Variants in KCNIP4 observed in about 807,000 individuals in gnomAD.
KCNIP4 encodes Kv channel-interacting protein 4.
In KCNIP4, 12 loss-of-function variants were observed where a neutral mutation model predicts 34.0. That is an observed-to-expected ratio of 0.35 (90% CI 0.23 to 0.57). The LOEUF is 0.57. KCNIP4 is among the 20% of genes least tolerant of loss of function. The probability of loss-of-function intolerance (pLI) is 0.83; values close to 1 mark genes in which losing one functional copy is unlikely to be tolerated. For synonymous variants in KCNIP4, 124 were observed against 102.2 expected, an observed-to-expected ratio of 1.21 and a Z score of -1.29; for missense variants, 238 against 311.7, an observed-to-expected ratio of 0.76 and a Z score of 1.78.
chr4:21,948,731 G>T lies in KCNIP4; in HGVS notation c.-100C>A. On this transcript the variant is annotated 5_prime_UTR_variant, in exon 1 of 9. Coordinates refer to ENST00000382152, the MANE Select transcript of KCNIP4 (RefSeq NM_025221.6). ...GGAGCGCACCGCCGCTCGGCCCGGGGGCGTCCGTGGCGCTGGGAGCGAGAG... is the reference window on the plus strand; with the variant it reads ...GGAGCGCACCGCCGCTCGGCCCGGGTGCGTCCGTGGCGCTGGGAGCGAGAG... 6.3e-6 allele frequency: 8 copies of T among 1,278,528 alleles called. No homozygotes were observed. Among genetic ancestry groups the T allele is most frequent in the Non-Finnish European group, 8.0e-6 (8 of 996,908 alleles). The allele number at this position is 1,278,528 out of a possible 1,614,324, so 79.2% of individuals were successfully genotyped here.
intron 1 of KCNIP4, among the ~76,000 whole-genome samples, chr4:21,755,037 C>G (rs1233829634): frequency 3.3e-5 from 5 of 152,148 alleles, no homozygotes; most frequent in African/African-American, 1.2e-4. Flanking sequence ...ATCCCAGCTA[C>G]TCGGGAGGCT....
intron 3 of KCNIP4, among the ~76,000 whole-genome samples, chr4:20,774,168 C>G (rs1756163832): frequency 6.6e-6 from 1 of 152,048 alleles, no homozygotes. Context: ...TACACATTCC[C>G]CATGGAGGAA....
chr4:20,982,503 G>T (rs1367432280), intron 1 of KCNIP4, among the ~76,000 whole-genome samples: 1 of 152,060 alleles, frequency 6.6e-6, no homozygotes, highest in Admixed American at 6.5e-5. Flanking sequence ...TATAAGAAAA[G>T]GAAAAAGAAC....
At chr4:21,700,054 T>C (rs1363328452) in intron 1 of KCNIP4, among the ~76,000 whole-genome samples, 1 of 152,150 alleles carries the variant, frequency 6.6e-6, no homozygotes, top group Non-Finnish European at 1.5e-5. Flanking sequence ...ATGAATTAGT[T>C]TGGGACATGA....
chr4:21,773,321 G>A (rs1718933736), intron 1 of KCNIP4, among the ~76,000 whole-genome samples: 1 of 152,158 alleles, frequency 6.6e-6, no homozygotes. Flanking sequence ...TTGCTGTGGA[G>A]TGTTTTACTC....
Position 20,758,872 on chromosome 4 carries a change from C to T in KCNIP4, c.307G>A (p.Val103Ile). ...ATCTCTTTGAAGGTTTCTTCATTAA[C>T]AACACCACTGGGGCATTCCTAGGGA... Reference protein sequence around the residue: ...GFKNECPSGVVNEETFKEIYS... With the variant: ...GFKNECPSGVINEETFKEIYS... The change falls in exon 4 of 9, where the codon GTT becomes ATT. Residue 103 changes from valine (V) to isoleucine (I), a missense_variant. Physicochemically the swap from Val to Ile is conservative, Grantham distance 29. Transcript: ENST00000382152. 1 of 1,613,226 alleles carries T rather than the reference C, an allele frequency of 6.2e-7. No individual in the cohort carries two copies. Among genetic ancestry groups the T allele is most frequent in the Non-Finnish European group, 8.5e-7 (1 of 1,179,392 alleles).
chr4:21,210,866 G>T (rs993886876), intron 1 of KCNIP4, among the ~76,000 whole-genome samples: 1 of 152,004 alleles, frequency 6.6e-6, no homozygotes, highest in Non-Finnish European at 1.5e-5. Flanking sequence ...TATGTAAAAT[G>T]CAAAAAAAGA....
At chr4:20,883,653 CATCTTTATAACAGGA>C (rs1370774859) in intron 1 of KCNIP4, among the ~76,000 whole-genome samples, 2 of 151,958 alleles carry the variant, frequency 1.3e-5, no homozygotes, top group African/African-American at 4.8e-5. Context: ...GAGGTTCTAC[CATCTTTATAACAGGA>C]ATCTGGCAAA....
intron 1 of KCNIP4, among the ~76,000 whole-genome samples, chr4:20,969,079 C>T (rs894528139): frequency 5.3e-5 from 8 of 152,096 alleles, no homozygotes; most frequent in Non-Finnish European, 1.0e-4. Flanking sequence ...CAATTTTCCT[C>T]CTAAATACAG....
intron 3 of KCNIP4, among the ~76,000 whole-genome samples, chr4:20,794,849 G>A (rs1480084694): frequency 6.6e-6 from 1 of 152,188 alleles, no homozygotes; most frequent in Non-Finnish European, 1.5e-5. Context: ...CATTCTCTAA[G>A]TGGGACATCT....
At chr4:21,688,222 A>C (rs961615227) in intron 1 of KCNIP4, among the ~76,000 whole-genome samples, 1 of 152,192 alleles carries the variant, frequency 6.6e-6, no homozygotes, top group Non-Finnish European at 1.5e-5. Flanking sequence ...AAAATATGAA[A>C]TCCAAACTGC....
chr4:21,500,711 T>C lies in KCNIP4; in HGVS notation c.61+447860A>G, dbSNP rs139394530. 4.8e-3 allele frequency among the ~76,000 whole-genome samples: 729 copies of C among 152,218 alleles called. 8 individuals are homozygous for C. Among genetic ancestry groups the C allele is most frequent in the African/African-American group, 0.017 (694 of 41,572 alleles). On this transcript the variant is annotated intron_variant, in intron 1 of 8. Transcript: ENST00000382152. ...AGTAAAAGTACTGTCATAAATTCTA[T>C]GTAAAACACATGTGACTCTTCATAT... is the stretch of plus-strand genomic sequence containing the variant.
chr4:20,820,763 G>C (rs1459242635), intron 3 of KCNIP4, among the ~76,000 whole-genome samples: 1 of 152,110 alleles, frequency 6.6e-6, no homozygotes, highest in Admixed American at 6.5e-5. Context: ...GGTCCCTGTG[G>C]GACTTTGAGG....
chr4:21,080,687 G>T (rs1418467478), intron 1 of KCNIP4, among the ~76,000 whole-genome samples: 1 of 151,220 alleles, frequency 6.6e-6, no homozygotes, highest in South Asian at 2.1e-4. Context: ...ATAAGATCTT[G>T]TAAAAATTAG....
At chr4:21,274,849 G>C (rs1350827712) in intron 1 of KCNIP4, among the ~76,000 whole-genome samples, 1 of 151,792 alleles carries the variant, frequency 6.6e-6, no homozygotes, top group Non-Finnish European at 1.5e-5. Flanking sequence ...AGGGTATCTT[G>C]CTTCAAACTC....
At chr4:21,311,301 A>G (rs1282081601) in intron 1 of KCNIP4, among the ~76,000 whole-genome samples, 1 of 152,218 alleles carries the variant, frequency 6.6e-6, no homozygotes, top group Admixed American at 6.5e-5. Context: ...TGGAATTCTA[A>G]GGAAAACACA....
At chr4:21,368,610 GC>G (rs1236979538) in intron 1 of KCNIP4, among the ~76,000 whole-genome samples, 2 of 147,294 alleles carry the variant, frequency 1.4e-5, no homozygotes, top group Non-Finnish European at 2.9e-5. Flanking sequence ...AAGTGATGTA[GC>G]CAAATAGATG....
At chr4:21,792,526 A>G (rs11943657) in intron 1 of KCNIP4, among the ~76,000 whole-genome samples, 15,940 of 152,124 alleles carry the variant, frequency 0.1, 2,834 homozygotes, top group African/African-American at 0.36. Context: ...AATACGTGTG[A>G]AAGTGGTCAT....
At chr4:20,788,946 G>A (rs1190958380) in intron 3 of KCNIP4, among the ~76,000 whole-genome samples, 2 of 152,138 alleles carry the variant, frequency 1.3e-5, no homozygotes, top group Non-Finnish European at 2.9e-5. Flanking sequence ...AGTAAAAGGT[G>A]TGCGAGGCCT....
Sources: gnomAD v4.1 joint callset for allele counts (sites outside exome capture counted in the v4.1 genomes callset) on GRCh38, gnomAD v4.1.1 for gene constraint, MANE v1.5 for transcripts, NCBI Gene and HGNC (gene_info 2026-07-23, HGNC 2026-07-21) for gene names.